NTRK2: variants seen among roughly 807,000 people sequenced by gnomAD.
NTRK2 encodes BDNF/NT-3 growth factors receptor.
NTRK2 carries 13 observed loss-of-function variants against 94.5 expected under a neutral mutation model. That is an observed-to-expected ratio of 0.14 (90% confidence interval 0.09 to 0.22). The LOEUF (loss-of-function observed/expected upper bound fraction) is 0.22, where lower values mean the gene tolerates loss of function less well. NTRK2 is among the 10% of genes least tolerant of loss of function. The pLI is 1.00. For synonymous variants in NTRK2, 372 were observed against 407.4 expected (o/e 0.91, Z 1.05); for missense variants, 639 against 1,071.2 (o/e 0.60, Z 5.63).
At chr9:84,911,460 A>G (rs2077233166) in intron 14 of NTRK2, among the ~76,000 whole-genome samples, 1 of 152,162 alleles carries the variant, frequency 6.6e-6, no homozygotes, top group Non-Finnish European at 1.5e-5. Flanking sequence ...CTTAAAAGTT[A>G]TAGAGCTATT....
intron 12 of NTRK2, among the ~76,000 whole-genome samples, chr9:84,829,363 T>TTGTG (rs2073390328): frequency 6.6e-6 from 1 of 152,174 alleles, no homozygotes. Flanking sequence ...TGAATTTTGT[T>TTGTG]TGTTTGTTTG....
rs1833038957 is a variant in NTRK2 at position 85,026,445 on chromosome 9, A to AAT, written c.*5009_*5010dup. 4.3e-6 allele frequency: 1 copy of AAT among 232,200 alleles called. No homozygotes were observed. Among genetic ancestry groups the AAT allele is most frequent in the African/African-American group, 2.2e-5 (1 of 45,306 alleles). The allele number at this position is 232,200 out of a possible 1,614,324, so 14.4% of individuals were successfully genotyped here. On this transcript the variant is annotated 3_prime_UTR_variant, in exon 19 of 19. Transcript: ENST00000277120. ...ACAGGAAAAATATTACAGAAAATGA[A>AAT]ATGTAAAGGCCTATATCTTGCAGCT... is the stretch of plus-strand genomic sequence containing the variant.
At chr9:84,803,185 G>T (rs972006938) in intron 12 of NTRK2, among the ~76,000 whole-genome samples, 8 of 152,176 alleles carry the variant, frequency 5.3e-5, no homozygotes, top group Non-Finnish European at 1.2e-4. Flanking sequence ...GCTAGGTAAT[G>T]TCTGAGATGA....
At chr9:84,762,680 T>C (rs566895205) in intron 12 of NTRK2, among the ~76,000 whole-genome samples, 22 of 152,336 alleles carry the variant, frequency 1.4e-4, no homozygotes, top group Admixed American at 5.2e-4. Context: ...GTGAGCCATG[T>C]GACTTTATTT....
At chr9:84,878,864 G>A (rs1007780375) in intron 14 of NTRK2, among the ~76,000 whole-genome samples, 3 of 152,078 alleles carry the variant, frequency 2.0e-5, no homozygotes, top group African/African-American at 7.2e-5. Flanking sequence ...AAGCTGTTAT[G>A]TGTACATAAA....
At chr9:84,972,637 G>A (rs1826316510) in intron 17 of NTRK2, among the ~76,000 whole-genome samples, 1 of 152,144 alleles carries the variant, frequency 6.6e-6, no homozygotes, top group Non-Finnish European at 1.5e-5. Flanking sequence ...TGTTTTTGGG[G>A]TTTAGCTTTA....
intron 14 of NTRK2, among the ~76,000 whole-genome samples, chr9:84,924,281 A>AAG (rs951798057): frequency 2.0e-5 from 3 of 148,310 alleles, no homozygotes; most frequent in Non-Finnish European, 3.0e-5. Context: ...GAAAGAAAGA[A>AAG]AGAAAGAAAG....
intron 12 of NTRK2, among the ~76,000 whole-genome samples, chr9:84,804,563 A>T (rs1167936298): frequency 1.3e-5 from 2 of 152,220 alleles, no homozygotes; most frequent in African/African-American, 2.4e-5. Flanking sequence ...TAATGGATTT[A>T]TATCATTAAC....
intron 12 of NTRK2, among the ~76,000 whole-genome samples, chr9:84,795,542 T>C (rs1002162057): frequency 2.6e-5 from 4 of 152,160 alleles, no homozygotes; most frequent in Admixed American, 6.5e-5. Context: ...GACCTATGTG[T>C]GGCTGCTGCT....
At chr9:84,823,625 G>A (rs571433041) in intron 12 of NTRK2, among the ~76,000 whole-genome samples, 4 of 152,342 alleles carry the variant, frequency 2.6e-5, no homozygotes, top group African/African-American at 9.6e-5. Context: ...CACAGGATAG[G>A]GCTGCCCCTA....
At chr9:84,845,799 A>G (rs971459948) in intron 12 of NTRK2, among the ~76,000 whole-genome samples, 10 of 152,094 alleles carry the variant, frequency 6.6e-5, no homozygotes, top group Non-Finnish European at 1.5e-4. Flanking sequence ...GTGAGGGATA[A>G]AAGACAGCAT....
Position 84,754,398 on chromosome 9 carries a change from T to A in NTRK2, c.1396+2313T>A, listed in dbSNP as rs113785453. 8.1e-3 allele frequency among the ~76,000 whole-genome samples: 1,230 copies of A among 152,268 alleles called. 20 individuals are homozygous for A. Among genetic ancestry groups the A allele is most frequent in the East Asian group, 0.043 (225 of 5,182 alleles). ...AAAGAGCCTGATCTAGGGTTATTGT[T>A]TTGCAAGTCAGATGTCGAGTTGATA... On this transcript the variant is annotated intron_variant, in intron 12 of 18. Transcript: ENST00000277120.
chr9:84,925,460 C>T (rs1018030202), intron 14 of NTRK2, among the ~76,000 whole-genome samples: 4 of 152,240 alleles, frequency 2.6e-5, no homozygotes, highest in Non-Finnish European at 4.4e-5. Context: ...CTATTGTCTT[C>T]GTGATCATGA....
chr9:84,966,720 T>C (rs1468748414), intron 17 of NTRK2, among the ~76,000 whole-genome samples: 1 of 152,144 alleles, frequency 6.6e-6, no homozygotes, highest in Non-Finnish European at 1.5e-5. Context: ...TGTAAGCCAC[T>C]GCGCCCAGCC....
At chr9:84,809,743 G>C (rs972679547) in intron 12 of NTRK2, among the ~76,000 whole-genome samples, 1 of 151,712 alleles carries the variant, frequency 6.6e-6, no homozygotes, top group Non-Finnish European at 1.5e-5. Flanking sequence ...TTAGCCGCGC[G>C]TGGTGGCACA....
At chr9:84,842,533 C>G (rs956063485) in intron 12 of NTRK2, among the ~76,000 whole-genome samples, 1 of 152,058 alleles carries the variant, frequency 6.6e-6, no homozygotes, top group East Asian at 1.9e-4. Flanking sequence ...GGACTCTGGC[C>G]GTGGCTCTGC....
chr9:84,997,243 G>A (rs1829860711), intron 17 of NTRK2, among the ~76,000 whole-genome samples: 1 of 152,166 alleles, frequency 6.6e-6, no homozygotes, highest in Non-Finnish European at 1.5e-5. Flanking sequence ...CTAGCGGTAG[G>A]GGACTGGCCC....
At chr9:84,952,904 G>C (rs548030592) in intron 16 of NTRK2, among the ~76,000 whole-genome samples, 1 of 152,192 alleles carries the variant, frequency 6.6e-6, no homozygotes, top group African/African-American at 2.4e-5. Context: ...TTGCCTCTGA[G>C]AGATATTTAA....
chr9:84,963,075 T>C (rs1377682653), intron 17 of NTRK2, among the ~76,000 whole-genome samples: 2 of 152,234 alleles, frequency 1.3e-5, no homozygotes, highest in Non-Finnish European at 2.9e-5. Context: ...GGCTGCAAGA[T>C]GGCTGCAGCA....
Sources: gnomAD v4.1 joint callset for allele counts (sites outside exome capture counted in the v4.1 genomes callset) on GRCh38, gnomAD v4.1.1 for gene constraint, MANE v1.5 for transcripts, NCBI Gene and HGNC (gene_info 2026-07-23, HGNC 2026-07-21) for gene names.